ELAVL2: variants seen among roughly 807,000 people sequenced by gnomAD.
The protein encoded by ELAVL2 is ELAV like RNA binding protein 2.
ELAVL2 carries 4 observed loss-of-function variants against 34.6 expected under a neutral mutation model. The ratio of observed to expected loss-of-function variants is 0.12; its 90% CI spans 0.06 to 0.26. The LOEUF is 0.26. Ranked by LOEUF, ELAVL2 falls within the 10% of genes least tolerant of loss-of-function variation. ELAVL2 has a pLI of 1.00. For synonymous variants in ELAVL2, 193 were observed against 154.8 expected (o/e 1.25, Z -1.83); for missense variants, 432 against 442.8 (o/e 0.98, Z 0.22).
chr9:23,808,356 C>T (rs143213099), intron 1 of ELAVL2, among the ~76,000 whole-genome samples: 1 of 152,208 alleles, frequency 6.6e-6, no homozygotes, highest in East Asian at 1.9e-4. Flanking sequence ...ACTGTATTCA[C>T]TACTATAGTC....
Position 23,714,179 on chromosome 9 carries a change from T to C in ELAVL2, c.334-9108A>G, listed in dbSNP as rs182203578. 7.7e-4 allele frequency among the ~76,000 whole-genome samples: 118 copies of C among 152,270 alleles called. 1 individual carries two copies. In the East Asian group the frequency reaches 0.021, roughly 26 times the overall value. On this transcript the variant is annotated intron_variant, in intron 3 of 6. Transcript: ENST00000397312. ...GGATATGTAACATATGTTAATTCAA[T>C]TGCTCCTCCCAATAAGTTTATGCAG...
At chr9:23,725,770 T>C (rs938003363) in intron 3 of ELAVL2, among the ~76,000 whole-genome samples, 6 of 152,142 alleles carry the variant, frequency 3.9e-5, no homozygotes, top group African/African-American at 9.7e-5. Context: ...TCAGGAGAGG[T>C]TGCTGCTTTT....
In ELAVL2 at chr9:23,691,762, C is replaced by T. The variant is rs1247570619; in HGVS notation, c.*795G>A. 2.0e-5 allele frequency: 3 copies of T among 152,524 alleles called. No homozygotes were observed. 9.4% of individuals were successfully genotyped at this position (152,524 alleles called of 1,614,324 possible). On this transcript the variant is annotated 3_prime_UTR_variant, in exon 7 of 7. Transcript: ENST00000397312. ...TACACCATAAATCTTTCTAAATTTT[C>T]CAACCGCTGCAAATTTCCTGGTAAA...
chr9:23,820,377 G>C (rs557470576), intron 1 of ELAVL2, among the ~76,000 whole-genome samples: 1 of 152,264 alleles, frequency 6.6e-6, no homozygotes, highest in East Asian at 1.9e-4. Context: ...TTACATTTTG[G>C]CACTTCTAAG....
intron 2 of ELAVL2, among the ~76,000 whole-genome samples, chr9:23,745,556 A>C (rs953083908): frequency 1.3e-5 from 2 of 152,164 alleles, no homozygotes; most frequent in African/African-American, 4.8e-5. Flanking sequence ...GGGAAAAAAA[A>C]CATACTGTAA....
At chr9:23,790,064 A>T (rs1564476552) in intron 1 of ELAVL2, among the ~76,000 whole-genome samples, 1 of 150,244 alleles carries the variant, frequency 6.7e-6, no homozygotes, top group Non-Finnish European at 1.5e-5. Context: ...ATGGTAAAAA[A>T]GGGGAAAAAA....
At chr9:23,778,568 T>C (rs1003041627) in intron 1 of ELAVL2, among the ~76,000 whole-genome samples, 10 of 152,164 alleles carry the variant, frequency 6.6e-5, no homozygotes, top group African/African-American at 2.4e-5. Flanking sequence ...ACAGCCTTAA[T>C]GTTCCGGCCC....
intron 1 of ELAVL2, among the ~76,000 whole-genome samples, chr9:23,771,053 T>C (rs1390622464): frequency 6.6e-6 from 1 of 152,168 alleles, no homozygotes; most frequent in East Asian, 1.9e-4. Context: ...GAGTAGCATG[T>C]GGCTACTGTG....
chr9:23,772,689 G>C (rs533350256), intron 1 of ELAVL2, among the ~76,000 whole-genome samples: 54 of 152,244 alleles, frequency 3.5e-4, no homozygotes, highest in Admixed American at 3.3e-4. Context: ...AAAACAAGGA[G>C]TCTAAAAACC....
At position 23,749,914 on chromosome 9, in the gene ELAVL2, C is replaced by T. The variant is rs537636478; in HGVS notation, c.229+12092G>A. Among the ~76,000 whole-genome samples the T allele has an allele frequency of 9.9e-5, 15 of 151,760 alleles. No individual in the cohort carries two copies. In the South Asian group the frequency reaches 2.1e-3, roughly 21 times the overall value. The stretch of plus-strand genomic sequence containing the variant: ...CTCCTTTGGTGCCTACTAACAACTA[C>T]GCAAAATTACCTAAGAGCTGTTATT... On this transcript the variant is annotated intron_variant, in intron 2 of 6. Coordinates refer to ENST00000397312, the MANE Select transcript of ELAVL2 (RefSeq NM_004432.5).
chr9:23,759,900 C>T (rs2054565285), intron 2 of ELAVL2, among the ~76,000 whole-genome samples: 1 of 150,748 alleles, frequency 6.6e-6, no homozygotes, highest in African/African-American at 2.4e-5. Context: ...AGAAATTTTA[C>T]CACAGTGGAA....
intron 3 of ELAVL2, among the ~76,000 whole-genome samples, chr9:23,713,668 T>C (rs1177825332): frequency 1.3e-5 from 2 of 152,166 alleles, no homozygotes; most frequent in East Asian, 3.8e-4. Flanking sequence ...ATAATATTTA[T>C]AAATACTAAG....
At chr9:23,822,908 C>A (rs1200070093) in intron 1 of ELAVL2, among the ~76,000 whole-genome samples, 1 of 152,204 alleles carries the variant, frequency 6.6e-6, no homozygotes, top group Non-Finnish European at 1.5e-5. Context: ...GCTCCCCGCC[C>A]CCATGCGACG....
At chr9:23,764,972 A>T (rs755102904) in intron 1 of ELAVL2, 6 of 1,598,818 alleles carry the variant, frequency 3.8e-6, no homozygotes, top group Non-Finnish European at 5.1e-6. Context: ...ATGCTAAAAA[A>T]AAGTAGCCTA....
intron 2 of ELAVL2, among the ~76,000 whole-genome samples, chr9:23,753,709 C>T (rs547882139): frequency 3.9e-5 from 6 of 152,186 alleles, no homozygotes; most frequent in East Asian, 1.9e-4. Flanking sequence ...CTACGACAAG[C>T]GCTTAAATTG....
intron 2 of ELAVL2, among the ~76,000 whole-genome samples, chr9:23,741,723 A>C (rs1398423832): frequency 2.0e-5 from 3 of 152,150 alleles, no homozygotes; most frequent in Non-Finnish European, 4.4e-5. Flanking sequence ...CACCTGAGAG[A>C]GCCACTGAAC....
chr9:23,731,866 T>C (rs1432896029), intron 2 of ELAVL2, among the ~76,000 whole-genome samples: 3 of 152,104 alleles, frequency 2.0e-5, no homozygotes, highest in Non-Finnish European at 4.4e-5. Context: ...TCTAAGTGTT[T>C]GTTGTTGTTG....
At chr9:23,767,546 T>A (rs989583393) in intron 1 of ELAVL2, among the ~76,000 whole-genome samples, 1 of 152,086 alleles carries the variant, frequency 6.6e-6, no homozygotes, top group Non-Finnish European at 1.5e-5. Flanking sequence ...TTTGGGAGGC[T>A]GAGGTAGGTG....
At chr9:23,777,394 T>G (rs2058385830) in intron 1 of ELAVL2, among the ~76,000 whole-genome samples, 1 of 152,168 alleles carries the variant, frequency 6.6e-6, no homozygotes, top group Admixed American at 6.5e-5. Flanking sequence ...AAAGAGTTCC[T>G]TGACGATTCT....
Sources: gnomAD v4.1 joint callset for allele counts (sites outside exome capture counted in the v4.1 genomes callset) on GRCh38, gnomAD v4.1.1 for gene constraint, MANE v1.5 for transcripts, NCBI Gene and HGNC (gene_info 2026-07-23, HGNC 2026-07-21) for gene names.